RC3H2: variants seen among roughly 807,000 people sequenced by gnomAD.
The protein encoded by RC3H2 is ring finger and CCCH-type domains 2, also known as roquin-2.
Under a neutral mutation model 133.3 loss-of-function variants are expected in RC3H2, and 31 were observed. The observed-to-expected ratio is 0.23, with a 90% confidence interval of 0.17 to 0.31. The LOEUF (loss-of-function observed/expected upper bound fraction) is 0.31. Among genes scored for constraint, RC3H2 ranks in the 10% least tolerant of loss-of-function variants. The pLI is 1.00. For missense variants in RC3H2, 1,175 were observed against 1,437.2 expected, an observed-to-expected ratio of 0.82 and a Z score of 2.95; for synonymous variants, 517 against 502.2, an observed-to-expected ratio of 1.03 and a Z score of -0.40.
intron 4 of RC3H2, among the ~76,000 whole-genome samples, chr9:122,884,252 C>T (rs2131469956): frequency 6.6e-6 from 1 of 152,042 alleles, no homozygotes; most frequent in Non-Finnish European, 1.5e-5. Flanking sequence ...GAGATCGTGC[C>T]ACCACACTCC....
At chr9:122,853,338 G>T (rs1396612937) in intron 18 of RC3H2, among the ~76,000 whole-genome samples, 3 of 137,782 alleles carry the variant, frequency 2.2e-5, no homozygotes, top group African/African-American at 8.4e-5. Context: ...CTATGACCCT[G>T]CCAAATCCCC....
At position 122,897,302 on chromosome 9, in the gene RC3H2, G is replaced by T; in HGVS notation, c.208C>A (p.Leu70Ile). The change falls in exon 2 of 21, where the codon CTT (leucine) becomes ATT (isoleucine). Residue 70 changes from leucine (L) to isoleucine (I), a missense_variant. Leu to Ile is a conservative substitution (Grantham distance 5). Around this residue, in one of 8 missense-constraint regions of RC3H2, gnomAD observed 41 missense variants for 88.0 expected, o/e 0.47. Coordinates refer to ENST00000357244, the MANE Select transcript of RC3H2 (RefSeq NM_001100588.3). Reference protein sequence around the residue: ...DIDVLPVNFALLQLVGAQVPD... With the variant: ...DIDVLPVNFAILQLVGAQVPD... Reference sequence around the variant, plus strand: ...ACCTGGGCTCCAACTAACTGGAGAAGTGCGAAGTTGACAGGAAGTACATCA... The same window carrying T: ...ACCTGGGCTCCAACTAACTGGAGAATTGCGAAGTTGACAGGAAGTACATCA... The T allele has an allele frequency of 6.2e-7, 1 of 1,614,090 alleles. No individual in the cohort carries two copies. Among genetic ancestry groups the T allele is most frequent in the Middle Eastern group, 1.7e-4 (1 of 6,060 alleles).
At chr9:122,859,705 G>A (rs1192562784) in intron 11 of RC3H2, among the ~76,000 whole-genome samples, 1 of 152,034 alleles carries the variant, frequency 6.6e-6, no homozygotes, top group Non-Finnish European at 1.5e-5. Context: ...AACCCCTAAA[G>A]TTCATTCCTG....
chr9:122,868,245 C>T (rs1830831457), intron 9 of RC3H2, among the ~76,000 whole-genome samples: 1 of 152,204 alleles, frequency 6.6e-6, no homozygotes, highest in Admixed American at 6.5e-5. Context: ...GAGGTGTACC[C>T]AACAGCTCAT....
rs754863552 is a variant in RC3H2, at chr9:122,859,019, A to G, written c.1933T>C (p.Ser645Pro). ...GGCATGGAAGCAGGTGGGAGGGAGG[A>G]CTCTGGAACGTTATTGGACCTCACA... Reference protein sequence around the residue: ...RFVRSNNVPESSLPPASMPYA... With the variant: ...RFVRSNNVPEPSLPPASMPYA... The change falls in exon 12 of 21, where the codon TCC becomes CCC. Residue 645 changes from serine (S) to proline (P), a missense_variant. By Grantham distance (74) the Ser-to-Pro change is moderately conservative. Coordinates refer to ENST00000357244, the MANE Select transcript of RC3H2 (RefSeq NM_001100588.3). 4.3e-5 allele frequency: 69 copies of G among 1,613,430 alleles called. No individual in the cohort carries two copies. The Admixed American group carries it at 1.1e-3, about 27-fold the overall frequency.
intron 5 of RC3H2, among the ~76,000 whole-genome samples, chr9:122,881,867 T>C (rs114145607): frequency 1.8e-3 from 272 of 152,316 alleles, no homozygotes; most frequent in African/African-American, 5.8e-3. Flanking sequence ...ATCAGATTTA[T>C]GCTTTAAAAA....
At chr9:122,868,839 ATGTGTGTGTGTGTG>A (rs36205979) in intron 9 of RC3H2, among the ~76,000 whole-genome samples, 1,193 of 118,914 alleles carry the variant, frequency 0.01, 39 homozygotes, top group African/African-American at 0.031. Context: ...TCCCTCCTAT[ATGTGTGTGTGTGTG>A]TGTGTGTGTG....
rs567570273 is a variant in RC3H2, at chr9:122,855,832, G to C, written c.2501C>G (p.Ser834Cys). ...GCCACAAGACCAGGGAGAATAATGG[G>C]AAAGATGATCTTCTTCAAATTTTGT... ...SGTKFEEDHL[S>C]HYSPWSCGTI... The change falls in exon 14 of 21, where the codon TCC (serine) becomes TGC (cysteine). Residue 834 changes from serine to cysteine, a missense_variant. Around this residue, in one of 8 missense-constraint regions of RC3H2, gnomAD observed 490 missense variants for 492.8 expected, o/e 0.99. Coordinates refer to ENST00000357244, the MANE Select transcript of RC3H2 (RefSeq NM_001100588.3). 6.2e-7 allele frequency: 1 copy of C among 1,613,296 alleles called. No homozygotes were observed. Among genetic ancestry groups the C allele is most frequent in the African/African-American group, 1.3e-5 (1 of 74,834 alleles).
At chr9:122,887,628 C>G (rs777189184) in intron 4 of RC3H2, among the ~76,000 whole-genome samples, 9 of 152,006 alleles carry the variant, frequency 5.9e-5, no homozygotes, top group Non-Finnish European at 1.3e-4. Context: ...TTTCAGTGGA[C>G]AGACCTTGGA....
At position 122,848,035 on chromosome 9, in the gene RC3H2, T is replaced by A. The variant is rs544343225; in HGVS notation, c.*1592A>T. On this transcript the variant is annotated 3_prime_UTR_variant, in exon 21 of 21. Transcript: ENST00000357244. ...ATGTCAACCCTCCCGCCCCTGGAAATGTGCACAAAACTTTTTATCAAAATC... is the reference window on the plus strand; with the variant it reads ...ATGTCAACCCTCCCGCCCCTGGAAAAGTGCACAAAACTTTTTATCAAAATC... The A allele has an allele frequency of 6.6e-6, 1 of 152,240 alleles. No homozygotes were observed. The highest frequency in any genetic ancestry group is 2.4e-5 in the African/African-American group (1 of 41,566). The allele number at this position is 152,240 out of a possible 1,614,324, so 9.4% of individuals were successfully genotyped here.
At position 122,879,796 on chromosome 9, in the gene RC3H2, A is replaced by T; in HGVS notation, c.1171T>A (p.Phe391Ile). The change falls in exon 8 of 21, where the codon TTC becomes ATC. Residue 391 changes from phenylalanine (F) to isoleucine (I), a missense_variant. Physicochemically the swap from Phe to Ile is conservative, Grantham distance 21 (BLOSUM62 0). Transcript: ENST00000357244. Reference sequence around the variant, plus strand: ...CCTTTTCTACTATAATTTTGTATGAAGTCCACAAGGCCATGAACTACTGTT... The same window carrying T: ...CCTTTTCTACTATAATTTTGTATGATGTCCACAAGGCCATGAACTACTGTT... ...VKTVVHGLVD[F>I]IQNYSRKGHE... 1 of 1,613,702 alleles carries T rather than the reference A, an allele frequency of 6.2e-7. No individual in the cohort carries two copies. The highest frequency in any genetic ancestry group is 8.5e-7 in the Non-Finnish European group (1 of 1,179,872).
Position 122,897,423 on chromosome 9 carries a change from G to A in RC3H2, c.87C>T (p.Ile29=), listed in dbSNP as rs1489252632. Residue 29 remains isoleucine, a synonymous_variant, in exon 2 of 21, where the codon ATC becomes ATT. Transcript: ENST00000357244. ...NEFDENVHKP[I]SLGCSHTVCK... ...AAACAGTGTGTGAACAACCTAAACTGATGGGTTTGTGCACATTCTCATCAA... is the reference window on the plus strand; with the variant it reads ...AAACAGTGTGTGAACAACCTAAACTAATGGGTTTGTGCACATTCTCATCAA... The A allele has an allele frequency of 6.2e-7, 1 of 1,614,216 alleles. No homozygotes were observed. The highest frequency in any genetic ancestry group is 2.2e-5 in the East Asian group (1 of 44,886).
At chr9:122,879,711 G>T in intron 8 of RC3H2, 44 bp downstream of exon 8, 2 of 1,290,664 alleles carry the variant, frequency 1.5e-6, no homozygotes, top group Non-Finnish European at 1.1e-6. Context: ...GGATGAAACT[G>T]AGTTAGAGAC....
chr9:122,858,327 G>A (rs1298134066), intron 12 of RC3H2, among the ~76,000 whole-genome samples: 1 of 152,204 alleles, frequency 6.6e-6, no homozygotes, highest in African/African-American at 2.4e-5. Flanking sequence ...TCATTTGTAT[G>A]TATGTGGTGA....
At chr9:122,899,246 C>T (rs957429908) in intron 1 of RC3H2, among the ~76,000 whole-genome samples, 2 of 151,682 alleles carry the variant, frequency 1.3e-5, no homozygotes, top group African/African-American at 4.8e-5. Context: ...GGGACGGCAC[C>T]CACCATCATG....
Position 122,858,099 on chromosome 9 carries a change from G to C in RC3H2, c.2284-6C>G, listed in dbSNP as rs2131392509. 2 of 1,613,124 alleles carry C rather than the reference G, an allele frequency of 1.2e-6. No homozygotes were observed. The highest frequency in any genetic ancestry group is 1.3e-5 in the African/African-American group (1 of 74,966). On this transcript the variant is annotated splice_region_variant and splice_polypyrimidine_tract_variant and intron_variant, in intron 12 of 20. Coordinates refer to ENST00000357244, the MANE Select transcript of RC3H2 (RefSeq NM_001100588.3). ...TTCAAATGACCACAAGGTTCCTAAT[G>C]GGGGATAAAAGAAACAATCTTAATC...
chr9:122,900,886 CTAAAT>C (rs1166633226), intron 1 of RC3H2, among the ~76,000 whole-genome samples: 1 of 152,116 alleles, frequency 6.6e-6, no homozygotes, highest in African/African-American at 2.4e-5. Context: ...GTGAGAAATG[CTAAAT>C]TAAAGGTGGG....
In RC3H2 at chr9:122,854,200, G is replaced by A. The variant is rs777808197; in HGVS notation, c.2967C>T (p.Ser989=). 2.5e-6 allele frequency: 4 copies of A among 1,613,808 alleles called. No individual in the cohort carries two copies. The highest frequency in any genetic ancestry group is 3.4e-6 in the Non-Finnish European group (4 of 1,179,880). Residue 989 remains serine (S), a synonymous_variant, in exon 17 of 21, where the codon AGC becomes AGT. Coordinates refer to ENST00000357244, the MANE Select transcript of RC3H2 (RefSeq NM_001100588.3). The part of the protein sequence containing the change: ...RKHSSTGDLL[S]LELQQAKSNS... ...CAGAGCCTACCTGCTGAAGTTCAAG[G>A]CTCAAAAGGTCCCCAGTACTGGAAT...
intron 4 of RC3H2, among the ~76,000 whole-genome samples, chr9:122,888,383 A>C (rs1166731498): frequency 6.6e-6 from 1 of 152,202 alleles, no homozygotes; most frequent in Non-Finnish European, 1.5e-5. Context: ...TAAAATATTT[A>C]TGTGGTTCCA....
Sources: gnomAD v4.1 joint callset for allele counts (sites outside exome capture counted in the v4.1 genomes callset) on GRCh38, gnomAD v4.1.1 for gene constraint, gnomAD v4.1.1 regional missense constraint, MANE v1.5 for transcripts, NCBI Gene and HGNC (gene_info 2026-07-23, HGNC 2026-07-21) for gene names.